The following KPNA7 variants were observed in gnomAD, a reference collection of about 807,000 sequenced individuals.
KPNA7 encodes the protein importin subunit alpha-8.
KPNA7 carries 54 observed loss-of-function variants against 53.7 expected under a neutral mutation model. The ratio of observed to expected loss-of-function variants is 1.01; its 90% CI spans 0.81 to 1.26. KPNA7 has a LOEUF of 1.26. KPNA7 is among the 50% of genes most tolerant of loss of function. KPNA7 has a pLI of 0.00. For synonymous variants in KPNA7, 276 were observed against 259.3 expected, an observed-to-expected ratio of 1.06 and a Z score of -0.62; for missense variants, 640 against 644.5, an observed-to-expected ratio of 0.99 and a Z score of 0.07.
At chr7:99,196,004 T>C (rs1038134023) in intron 4 of KPNA7, 80 bp downstream of exon 4, 6 of 1,185,500 alleles carry the variant, frequency 5.1e-6, no homozygotes, top group Non-Finnish European at 7.3e-6. Flanking sequence ...AGAAACCAAA[T>C]AGGCCACCGG....
intron 9 of KPNA7, among the ~76,000 whole-genome samples, chr7:99,178,817 C>G (rs1231889962): frequency 2.1e-5 from 3 of 142,910 alleles, no homozygotes; most frequent in Non-Finnish European, 3.0e-5. Context: ...GAGTCTCGCT[C>G]TATCGCCCAG....
At chr7:99,163,359 GTA>G in the KPNA7 span, among the ~76,000 whole-genome samples, 534 of 66,392 alleles carry the variant, frequency 8.0e-3, 21 homozygotes, top group Middle Eastern at 0.069. Context: ...ATGAGTGTGT[GTA>G]TATATATATA....
chr7:99,193,087 ACTCTGG>A lies in KPNA7; in HGVS notation c.562_567del (p.Pro188_Glu189del). 2 of 1,498,402 alleles carry A rather than the reference ACTCTGG, an allele frequency of 1.3e-6. No individual in the cohort carries two copies. The highest frequency in any genetic ancestry group is 1.8e-6 in the Non-Finnish European group (2 of 1,126,268). The allele number at this position is 1,498,402 out of a possible 1,614,324, so 92.8% of individuals were successfully genotyped here. ...TTGCTTGTGATGACGTTATCTCTGAACTCTGGGCCATCACCTACAAATAGAGCAGAA... is the reference window on the plus strand; with the variant it reads ...TTGCTTGTGATGACGTTATCTCTGAAGCCATCACCTACAAATAGAGCAGAA... On this transcript the variant is annotated inframe_deletion, in exon 6 of 11. Coordinates refer to ENST00000327442, the MANE Select transcript of KPNA7 (RefSeq NM_001145715.3).
At chr7:99,190,937 C>T (rs1352986137) in intron 6 of KPNA7, among the ~76,000 whole-genome samples, 4 of 152,132 alleles carry the variant, frequency 2.6e-5, no homozygotes, top group South Asian at 4.2e-4. Context: ...TCTGTCAATC[C>T]GACTCTGCTG....
chr7:99,217,270 G>C (rs765650116), intron 1 of KPNA7, among the ~76,000 whole-genome samples: 1 of 152,152 alleles, frequency 6.6e-6, no homozygotes, highest in Non-Finnish European at 1.5e-5. Flanking sequence ...ATTCGAGGAG[G>C]GGATCTTGAA....
chr7:99,182,131 G>T, intron 8 of KPNA7, 66 bp from the exon 9 acceptor site: 3 of 1,278,600 alleles, frequency 2.3e-6, no homozygotes, highest in Non-Finnish European at 2.1e-6. Flanking sequence ...ACACCAACTT[G>T]GTTCACTTTC....
rs946613361 is a variant in KPNA7 at position 99,195,975 on chromosome 7, G to T, written c.284+109C>A. 1.5e-4 allele frequency: 122 copies of T among 807,850 alleles called. 1 individual carries two copies. The highest frequency in any genetic ancestry group is 2.8e-4 in the South Asian group (17 of 61,736). The allele number at this position is 807,850 out of a possible 1,614,324, so 50.0% of individuals were successfully genotyped here. A position where few individuals can be genotyped will look rare whatever the true frequency, so the allele number is the denominator to read the frequency against. ...GGGCTAGCCTTTTCCTGTGTTTTAC[G>T]GGCATGTTGCCAATGCCAAGAAACC... On this transcript the variant is annotated intron_variant, in intron 4 of 10. Coordinates refer to ENST00000327442, the MANE Select transcript of KPNA7 (RefSeq NM_001145715.3).
chr7:99,186,218 G>T (rs1306305566), intron 7 of KPNA7, among the ~76,000 whole-genome samples: 1 of 152,098 alleles, frequency 6.6e-6, no homozygotes, highest in Non-Finnish European at 1.5e-5. Flanking sequence ...CTTCATAATG[G>T]CTCAGAAGAT....
the KPNA7 span, among the ~76,000 whole-genome samples, chr7:99,147,296 C>G: frequency 6.6e-6 from 1 of 152,170 alleles, no homozygotes; most frequent in South Asian, 2.1e-4. Flanking sequence ...ATGGAGACAT[C>G]TCGAGTCACA....
intron 3 of KPNA7, among the ~76,000 whole-genome samples, chr7:99,202,748 G>A (rs1790608072): frequency 6.6e-6 from 1 of 152,076 alleles, no homozygotes; most frequent in South Asian, 2.1e-4. Flanking sequence ...TGGAAGCTGA[G>A]GCAGGAGGTT....
the KPNA7 span, among the ~76,000 whole-genome samples, chr7:99,148,171 T>C: frequency 2.0e-5 from 3 of 152,238 alleles, no homozygotes; most frequent in African/African-American, 7.2e-5. Flanking sequence ...TAAAGCTATC[T>C]GGAACAAACA....
At chr7:99,177,356 G>C (rs1798942937) in intron 10 of KPNA7, among the ~76,000 whole-genome samples, 1 of 152,130 alleles carries the variant, frequency 6.6e-6, no homozygotes, top group Admixed American at 6.6e-5. Context: ...GCCAAGGCGG[G>C]TGGATCACTT....
intron 6 of KPNA7, among the ~76,000 whole-genome samples, chr7:99,190,668 TGGG>T (rs71108427): frequency 2.8e-4 from 42 of 150,126 alleles, no homozygotes; most frequent in South Asian, 1.1e-3. Flanking sequence ...TTTTTTTTTT[TGGG>T]GGGAGACAGG....
At chr7:99,210,609 C>T (rs1791041479), upstream of KPNA7, among the ~76,000 whole-genome samples, 1 of 151,962 alleles carries the variant, frequency 6.6e-6, no homozygotes, top group Non-Finnish European at 1.5e-5. Flanking sequence ...GCTTTTGAGA[C>T]AGTCTTGCTC....
At chr7:99,147,888 A>G in the KPNA7 span, among the ~76,000 whole-genome samples, 4 of 151,950 alleles carry the variant, frequency 2.6e-5, no homozygotes, top group African/African-American at 7.3e-5. Context: ...GAGGTGGTGC[A>G]TGTCTGTAGT....
chr7:99,210,770 A>G (rs1334424655), upstream of KPNA7, among the ~76,000 whole-genome samples: 1 of 151,744 alleles, frequency 6.6e-6, no homozygotes, highest in Non-Finnish European at 1.5e-5. Context: ...TATTTTTTGT[A>G]GAGATGGGAT....
At chr7:99,202,276 A>T (rs1790575691) in intron 3 of KPNA7, among the ~76,000 whole-genome samples, 1 of 152,112 alleles carries the variant, frequency 6.6e-6, no homozygotes, top group Non-Finnish European at 1.5e-5. Context: ...CCCCAAAAGA[A>T]TATAGAGACA....
chr7:99,170,300 G>C (rs1281979827), downstream of KPNA7, among the ~76,000 whole-genome samples: 1 of 152,144 alleles, frequency 6.6e-6, no homozygotes, highest in Non-Finnish European at 1.5e-5. Flanking sequence ...TTGCGCTAAT[G>C]AAGAAGGAGG....
In KPNA7 at chr7:99,178,007, CCCA is replaced by C. The variant is rs1343230506; in HGVS notation, c.1374_1376del (p.Gly459del). 8 of 1,551,680 alleles carry C rather than the reference CCCA, an allele frequency of 5.2e-6. No individual in the cohort carries two copies. Among genetic ancestry groups the C allele is most frequent in the Non-Finnish European group, 1.7e-6 (2 of 1,147,034 alleles). On this transcript the variant is annotated inframe_deletion, in exon 10 of 11. Coordinates refer to ENST00000327442, the MANE Select transcript of KPNA7 (RefSeq NM_001145715.3). ...GCTGTAAAGCCTCAATTCTATCGAT[CCCA>C]CCAAGTTCTTCTATCAGAAGACACA...
Sources: gnomAD v4.1 joint callset for allele counts (sites outside exome capture counted in the v4.1 genomes callset) on GRCh38, gnomAD v4.1.1 for gene constraint, MANE v1.5 for transcripts, NCBI Gene and HGNC (gene_info 2026-07-23, HGNC 2026-07-21) for gene names.